TUBGCP3: variants seen among roughly 807,000 people sequenced by gnomAD.
The protein encoded by TUBGCP3 is gamma-tubulin complex component 3.
A neutral mutation model predicts 123.1 loss-of-function variants in TUBGCP3; 50 were observed. The observed-to-expected ratio is 0.41, with a 90% confidence interval of 0.32 to 0.51. The LOEUF (loss-of-function observed/expected upper bound fraction) is 0.51, where lower values mean the gene tolerates loss of function less well. Ranked by LOEUF, TUBGCP3 falls within the 20% of genes least tolerant of loss-of-function variation. The pLI, the probability that TUBGCP3 is intolerant of heterozygous loss-of-function variation, is 0.36. For synonymous variants in TUBGCP3, 405 were observed against 413.9 expected, an observed-to-expected ratio of 0.98 and a Z score of 0.26; for missense variants, 882 against 1,127.0, an observed-to-expected ratio of 0.78 and a Z score of 3.11.
At chr13:112,498,685 A>G (rs1880679280) in intron 20 of TUBGCP3, 2 of 1,321,942 alleles carry the variant, frequency 1.5e-6, no homozygotes, top group East Asian at 2.5e-5. Context: ...AAAATGCAGC[A>G]TGGTGCACGA....
chr13:112,498,051 T>C (rs1880643671), intron 20 of TUBGCP3, among the ~76,000 whole-genome samples: 1 of 152,150 alleles, frequency 6.6e-6, no homozygotes, highest in South Asian at 2.1e-4. Context: ...CACACATGCA[T>C]GTACCTGTAA....
intron 13 of TUBGCP3, among the ~76,000 whole-genome samples, chr13:112,526,686 CACACCACCATCATT>C (rs1451659492): frequency 6.6e-6 from 1 of 150,830 alleles, no homozygotes; most frequent in African/African-American, 2.4e-5. Context: ...TCACCATCAT[CACACCACCATCATT>C]ACCCCCATCA....
intron 1 of TUBGCP3, among the ~76,000 whole-genome samples, chr13:112,584,649 A>T (rs1037891984): frequency 2.8e-4 from 42 of 152,360 alleles, no homozygotes; most frequent in African/African-American, 7.7e-4. Context: ...TCATCTTCGA[A>T]TATGCTGTGT....
intron 8 of TUBGCP3, 27 bp from the exon 9 acceptor site, chr13:112,548,203 G>C (rs1317882391): frequency 1.6e-5 from 25 of 1,568,994 alleles, no homozygotes; most frequent in Middle Eastern, 3.4e-4. Flanking sequence ...TATAATTAAA[G>C]CACGACACAC....
rs114299247 is a variant in TUBGCP3, at chr13:112,585,653, T to C, written c.76+2252A>G. 6.3e-3 allele frequency among the ~76,000 whole-genome samples: 965 copies of C among 152,116 alleles called. 9 individuals are homozygous for C. Among genetic ancestry groups the C allele is most frequent in the African/African-American group, 0.022 (905 of 41,506 alleles). On this transcript the variant is annotated intron_variant, in intron 1 of 21. Coordinates refer to ENST00000261965, the MANE Select transcript of TUBGCP3 (RefSeq NM_006322.6). ...CAGGAGTGCTGGCATACACCTGTAATCCCAACTACTTGGGGGGCTGATGCA... is the reference window on the plus strand; with the variant it reads ...CAGGAGTGCTGGCATACACCTGTAACCCCAACTACTTGGGGGGCTGATGCA...
At chr13:112,581,194 C>T (rs1336903641) in intron 1 of TUBGCP3, among the ~76,000 whole-genome samples, 12 of 152,128 alleles carry the variant, frequency 7.9e-5, no homozygotes, top group Non-Finnish European at 1.6e-4. Context: ...GACTCACACC[C>T]CCCCATCTTT....
chr13:112,516,063 T>C lies in TUBGCP3; in HGVS notation c.2086+377A>G, dbSNP rs76947688. Among the ~76,000 whole-genome samples, 40 of 152,260 alleles carry C rather than the reference T, an allele frequency of 2.6e-4. No homozygotes were observed. In the East Asian group the frequency reaches 6.9e-3, roughly 26 times the overall value. Reference sequence around the variant, plus strand: ...TTTATAACATTAAAATAATCTTGACTATCTGATACCTAAGAATTTTTACTA... The same window carrying C: ...TTTATAACATTAAAATAATCTTGACCATCTGATACCTAAGAATTTTTACTA... On this transcript the variant is annotated intron_variant, in intron 17 of 21. Coordinates refer to ENST00000261965, the MANE Select transcript of TUBGCP3 (RefSeq NM_006322.6).
intron 18 of TUBGCP3, among the ~76,000 whole-genome samples, 157 bp from the exon 19 acceptor site, chr13:112,504,320 T>A (rs1881135375): frequency 6.6e-6 from 1 of 151,794 alleles, no homozygotes; most frequent in South Asian, 2.1e-4. Flanking sequence ...AAACCCCGTC[T>A]CTACTAAAAA....
Position 112,588,013 on chromosome 13 carries a change from A to T in TUBGCP3, c.-33T>A, listed in dbSNP as rs1882752589. 3.5e-6 allele frequency: 5 copies of T among 1,416,800 alleles called. No homozygotes were observed. In the South Asian group the frequency reaches 7.2e-5, roughly 20 times the overall value. 87.8% of individuals were successfully genotyped at this position (1,416,800 alleles called of 1,614,324 possible). A position where few individuals can be genotyped will look rare whatever the true frequency, so the allele number is the denominator to read the frequency against. ...CGGAGCCGTGCACGGTGGTCCGGGCAGAGCCGCCACTGCCGCCGCACGCGC... is the reference window on the plus strand; with the variant it reads ...CGGAGCCGTGCACGGTGGTCCGGGCTGAGCCGCCACTGCCGCCGCACGCGC... On this transcript the variant is annotated 5_prime_UTR_variant, in exon 1 of 22. Transcript: ENST00000261965.
At chr13:112,551,272 G>T (rs1199849049) in intron 8 of TUBGCP3, among the ~76,000 whole-genome samples, 1 of 152,228 alleles carries the variant, frequency 6.6e-6, no homozygotes, top group Admixed American at 6.5e-5. Flanking sequence ...GAGGGAAAAG[G>T]CCTGTGGTTA....
intron 2 of TUBGCP3, among the ~76,000 whole-genome samples, chr13:112,565,928 C>A (rs1328168600): frequency 2.3e-5 from 3 of 132,492 alleles, no homozygotes; most frequent in Non-Finnish European, 3.2e-5. Flanking sequence ...GAGCGAGACT[C>A]TGTCTCAAAA....
the TUBGCP3 span, among the ~76,000 whole-genome samples, chr13:112,599,065 A>C: frequency 1.3e-5 from 2 of 152,184 alleles, no homozygotes; most frequent in Non-Finnish European, 1.5e-5. Context: ...TGGCAGAGTT[A>C]AACCAAAATA....
At chr13:112,514,377 C>G (rs970128714) in intron 17 of TUBGCP3, among the ~76,000 whole-genome samples, 7 of 152,026 alleles carry the variant, frequency 4.6e-5, no homozygotes, top group African/African-American at 1.7e-4. Context: ...AGAGGCCAGG[C>G]ATGGTGGCTT....
chr13:112,504,256 G>C, intron 18 of TUBGCP3, 93 bp from the exon 19 acceptor site: 1 of 1,503,680 alleles, frequency 6.7e-7, no homozygotes, highest in Non-Finnish European at 9.0e-7. Flanking sequence ...GGGAGGCCGA[G>C]GCGGGCAGAT....
intron 13 of TUBGCP3, among the ~76,000 whole-genome samples, chr13:112,525,375 C>T (rs982257044): frequency 6.6e-6 from 1 of 152,174 alleles, no homozygotes; most frequent in African/African-American, 2.4e-5. Context: ...CTGCACATCT[C>T]ACGTCCCTGA....
At position 112,554,888 on chromosome 13, in the gene TUBGCP3, T is replaced by C; in HGVS notation, c.839A>G (p.Lys280Arg). ...NTENCYKVEG[K>R]ANLSRSLRDT... ...AACTTAGATTTTATGTTACTGTACC[T>C]TTCCTTCTACTTTGTAACAATTTTC... Residue 280 changes from lysine to arginine, a missense_variant and splice_region_variant, in exon 7 of 22, where the codon AAG becomes AGG. By Grantham distance (26) the Lys-to-Arg change is conservative. This residue lies in a region of TUBGCP3 where 713 missense variants were observed against 874.0 expected (regional missense o/e 0.82). Coordinates refer to ENST00000261965, the MANE Select transcript of TUBGCP3 (RefSeq NM_006322.6). 6.3e-7 allele frequency: 1 copy of C among 1,590,792 alleles called. No individual in the cohort carries two copies. The highest frequency in any genetic ancestry group is 8.6e-7 in the Non-Finnish European group (1 of 1,166,264).
chr13:112,525,517 C>T (rs1394259019), intron 13 of TUBGCP3, among the ~76,000 whole-genome samples: 1 of 152,182 alleles, frequency 6.6e-6, no homozygotes, highest in East Asian at 1.9e-4. Context: ...CCACAGTGTC[C>T]TACGCAAAGT....
intron 11 of TUBGCP3, among the ~76,000 whole-genome samples, chr13:112,543,426 T>C (rs1296493386): frequency 6.6e-6 from 1 of 152,216 alleles, no homozygotes; most frequent in Non-Finnish European, 1.5e-5. Context: ...AAATCCAATA[T>C]GCAATCCCTA....
the TUBGCP3 span, among the ~76,000 whole-genome samples, chr13:112,601,961 A>G: frequency 6.6e-6 from 1 of 152,128 alleles, no homozygotes; most frequent in African/African-American, 2.4e-5. Context: ...TCACTGCACT[A>G]TTGCTCCTTA....
Sources: allele counts gnomAD v4.1 joint callset (sites outside exome capture counted in the v4.1 genomes callset), GRCh38; gene constraint gnomAD v4.1.1; regional missense constraint gnomAD v4.1.1; transcripts MANE v1.5; gene names NCBI Gene and HGNC (gene_info 2026-07-23, HGNC 2026-07-21).